The following SLC39A8 variants were observed in gnomAD, a reference collection of about 807,000 sequenced individuals.
SLC39A8 encodes metal cation symporter ZIP8.
A neutral mutation model predicts 40.4 loss-of-function variants in SLC39A8; 15 were observed. The ratio of observed to expected loss-of-function variants is 0.37; its 90% confidence interval spans 0.25 to 0.57. The LOEUF (loss-of-function observed/expected upper bound fraction) is 0.57. Ranked by LOEUF, SLC39A8 falls within the 20% of genes least tolerant of loss-of-function variation. The pLI, the probability that SLC39A8 is intolerant of heterozygous loss-of-function variation, is 0.75. For synonymous variants in SLC39A8, 223 were observed against 221.6 expected (o/e 1.01, Z -0.06); for missense variants, 472 against 558.8 (o/e 0.84, Z 1.57).
chr4:102,270,129 T>C (rs1732281846), intron 6 of SLC39A8, among the ~76,000 whole-genome samples: 1 of 152,242 alleles, frequency 6.6e-6, no homozygotes, highest in Admixed American at 6.5e-5. Flanking sequence ...CATCTTCCAA[T>C]CTAATTTGTC....
At chr4:102,339,769 A>T (rs1173388956) in intron 2 of SLC39A8, among the ~76,000 whole-genome samples, 1 of 152,062 alleles carries the variant, frequency 6.6e-6, no homozygotes, top group Non-Finnish European at 1.5e-5. Context: ...CTTACATCTC[A>T]TGAAATCCAC....
At chr4:102,301,483 T>C (rs756734282) in intron 6 of SLC39A8, among the ~76,000 whole-genome samples, 1 of 152,218 alleles carries the variant, frequency 6.6e-6, no homozygotes, top group Middle Eastern at 3.4e-3. Context: ...GTTATTACTA[T>C]ATGATATTTT....
intron 2 of SLC39A8, chr4:102,324,262 G>A: frequency 2.8e-6 from 1 of 359,260 alleles, no homozygotes; most frequent in Non-Finnish European, 5.6e-6. Flanking sequence ...GAGCGTGTTG[G>A]TGCATGCCTG....
chr4:102,343,201 C>T (rs906197073), intron 2 of SLC39A8, among the ~76,000 whole-genome samples: 1 of 152,104 alleles, frequency 6.6e-6, no homozygotes, highest in East Asian at 1.9e-4. Context: ...GAGAGACCAC[C>T]TCTGACATGC....
intron 2 of SLC39A8, among the ~76,000 whole-genome samples, chr4:102,326,516 G>A (rs1012523465): frequency 1.3e-5 from 2 of 152,260 alleles, no homozygotes; most frequent in Non-Finnish European, 1.5e-5. Context: ...AGCCGAGATC[G>A]CGCCACTGCA....
downstream of SLC39A8, among the ~76,000 whole-genome samples, chr4:102,257,649 G>A (rs973701974): frequency 9.9e-5 from 15 of 152,164 alleles, no homozygotes; most frequent in African/African-American, 3.4e-4. Context: ...GATACAGAAG[G>A]GTGGAGAGTG....
intron 2 of SLC39A8, among the ~76,000 whole-genome samples, chr4:102,344,165 A>G (rs142479620): frequency 6.6e-6 from 1 of 152,142 alleles, no homozygotes; most frequent in East Asian, 1.9e-4. Flanking sequence ...ACTACTTCAT[A>G]AAGTTTTCTA....
At chr4:102,307,247 T>C (rs868020808) in intron 4 of SLC39A8, among the ~76,000 whole-genome samples, 189 bp downstream of exon 4, 40 of 152,106 alleles carry the variant, frequency 2.6e-4, no homozygotes, top group African/African-American at 8.9e-4. Flanking sequence ...TAATTTTGTC[T>C]CTGATAGTGA....
chr4:102,300,327 T>C (rs1733868531), intron 6 of SLC39A8, among the ~76,000 whole-genome samples: 1 of 152,056 alleles, frequency 6.6e-6, no homozygotes, highest in Admixed American at 6.6e-5. Flanking sequence ...AATAAAAACA[T>C]ATGTGTAAAA....
At chr4:102,333,397 A>C (rs1735549300) in intron 2 of SLC39A8, among the ~76,000 whole-genome samples, 1 of 152,190 alleles carries the variant, frequency 6.6e-6, no homozygotes, top group Admixed American at 6.5e-5. Context: ...CCATTACACA[A>C]AGAGGATGTT....
intron 6 of SLC39A8, among the ~76,000 whole-genome samples, chr4:102,276,244 C>T (rs566933320): frequency 6.6e-6 from 1 of 151,574 alleles, no homozygotes; most frequent in Non-Finnish European, 1.5e-5. Context: ...GCTAGCCAGA[C>T]TAATAAAGAA....
intron 6 of SLC39A8, among the ~76,000 whole-genome samples, chr4:102,281,088 A>ATT (rs1234720397): frequency 6.6e-6 from 1 of 152,212 alleles, no homozygotes; most frequent in African/African-American, 2.4e-5. Context: ...GATGGCATTA[A>ATT]TGCACTGGTA....
At chr4:102,259,496 C>T, downstream of SLC39A8, 1 of 1,546,668 alleles carries the variant, frequency 6.5e-7, no homozygotes, top group Non-Finnish European at 8.7e-7. Flanking sequence ...TTGATGTCAT[C>T]AGTAGCCCAT....
chr4:102,295,544 T>TTTTG (rs778383092), intron 6 of SLC39A8, among the ~76,000 whole-genome samples: 1 of 152,040 alleles, frequency 6.6e-6, no homozygotes, highest in Admixed American at 6.6e-5. Flanking sequence ...AATATCAACA[T>TTTTG]TTTGTTTGTT....
intron 2 of SLC39A8, among the ~76,000 whole-genome samples, chr4:102,339,051 A>G (rs1247111245): frequency 2.0e-5 from 3 of 152,236 alleles, no homozygotes; most frequent in African/African-American, 4.8e-5. Context: ...ACCTGGCATC[A>G]AGGCAAACTA....
intron 11 of SLC39A8, among the ~76,000 whole-genome samples, chr4:102,253,978 C>A (rs1388955013): frequency 6.6e-6 from 1 of 152,132 alleles, no homozygotes; most frequent in Non-Finnish European, 1.5e-5. Context: ...CTCTACAGTT[C>A]TCTTTTGGTA....
intron 2 of SLC39A8, among the ~76,000 whole-genome samples, chr4:102,316,238 T>C (rs1734651673): frequency 6.6e-6 from 1 of 152,178 alleles, no homozygotes; most frequent in Non-Finnish European, 1.5e-5. Flanking sequence ...CTGGCATGGC[T>C]CTCTATAGCA....
intron 6 of SLC39A8, among the ~76,000 whole-genome samples, chr4:102,285,374 CTCTA>C (rs67009057): frequency 0.5 from 75,783 of 151,384 alleles, 19,734 homozygotes; most frequent in Middle Eastern, 0.61. Flanking sequence ...GACTGAAATT[CTCTA>C]TCTAAGAAGC....
intron 6 of SLC39A8, among the ~76,000 whole-genome samples, chr4:102,285,277 T>G (rs1733113066): frequency 6.6e-6 from 1 of 152,096 alleles, no homozygotes; most frequent in Non-Finnish European, 1.5e-5. Context: ...ATAATTAGCA[T>G]GGAGAGCAAA....
Sources: gnomAD v4.1 joint callset for allele counts (sites outside exome capture counted in the v4.1 genomes callset) on GRCh38, gnomAD v4.1.1 for gene constraint, MANE v1.5 for transcripts, NCBI Gene and HGNC (gene_info 2026-07-23, HGNC 2026-07-21) for gene names.